The following KDSR variants were observed in gnomAD, a reference collection of about 807,000 sequenced individuals.
KDSR encodes the protein 3-dehydrosphinganine reductase.
In KDSR, 23 loss-of-function variants were observed where a neutral mutation model predicts 41.3. The ratio of observed to expected loss-of-function variants is 0.56; its 90% CI spans 0.40 to 0.79. KDSR has a LOEUF of 0.79. Among genes scored for constraint, KDSR ranks in the 30% least tolerant of loss-of-function variants. The pLI is 0.00. For synonymous variants in KDSR, 138 were observed against 151.7 expected, an observed-to-expected ratio of 0.91 and a Z score of 0.66; for missense variants, 351 against 416.8, an observed-to-expected ratio of 0.84 and a Z score of 1.37.
chr18:63,342,484 A>C (rs894871719), intron 7 of KDSR, among the ~76,000 whole-genome samples: 6 of 152,194 alleles, frequency 3.9e-5, no homozygotes, highest in Non-Finnish European at 8.8e-5. Context: ...TAGAATGTCC[A>C]ATGTGCTCAC....
chr18:63,332,831 CAAA>C (rs1159424416), intron 9 of KDSR, among the ~76,000 whole-genome samples: 9,441 of 74,872 alleles, frequency 0.13, 353 homozygotes, highest in East Asian at 0.34. Flanking sequence ...GACTCCGTCT[CAAA>C]AAAAAAAAAA....
chr18:63,346,541 G>C (rs1489459107), intron 6 of KDSR: 1 of 152,256 alleles, frequency 6.6e-6, no homozygotes, highest in African/African-American at 2.4e-5. Flanking sequence ...TTTCAGAGCA[G>C]TGCTTCTCAA....
chr18:63,361,681 G>A (rs778805928), intron 2 of KDSR, among the ~76,000 whole-genome samples: 11 of 152,022 alleles, frequency 7.2e-5, no homozygotes, highest in Non-Finnish European at 1.2e-4. Flanking sequence ...CAGGCGTGGT[G>A]GTGGGCGCCT....
intron 6 of KDSR, chr18:63,345,613 C>A (rs1914476898): frequency 2.6e-5 from 4 of 152,102 alleles, no homozygotes; most frequent in Admixed American, 2.6e-4. Context: ...GGCTAAAAAT[C>A]AACACCACTG....
chr18:63,366,734 C>A (rs1403585783), intron 1 of KDSR: 4 of 355,154 alleles, frequency 1.1e-5, no homozygotes, highest in Middle Eastern at 7.1e-4. Context: ...AGCCACAGAA[C>A]CCCTGGGGCC....
chr18:63,350,973 GC>G lies in KDSR; in HGVS notation c.523del (p.Ala175GlnfsTer19), dbSNP rs1914645837. 3.1e-6 allele frequency: 5 copies of G among 1,613,916 alleles called. No homozygotes were observed. The highest frequency in any genetic ancestry group is 1.3e-5 in the African/African-American group (1 of 75,046). On this transcript the variant is annotated frameshift_variant, in exon 6 of 10. Transcript: ENST00000645214. LOFTEE classifies it high-confidence loss of function. Reference protein sequence around the residue: ...VGRIVFVSSQAGQLGLFGFTA... With the variant: ...VGRIVFVSSQXGQLGLFGFTA... ...GAAACCGAATAATCCCAACTGTCCT[GC>G]CTGGGAGGACACAAACACGATCCTG...
intron 4 of KDSR, 41 bp from the exon 5 acceptor site, chr18:63,355,340 GA>G: frequency 6.2e-7 from 1 of 1,605,034 alleles, no homozygotes; most frequent in South Asian, 1.1e-5. Context: ...AAACAGAGAA[GA>G]AAAACCACTC....
chr18:63,367,099 G>A lies in KDSR; in HGVS notation c.20C>T (p.Ala7Val). ...CAGCAGCACGAAGGCCACGAGGAAG[G>A]CGGCAGCCAGCAGCAGCATCGCTCC... MLLLAA[A>V]FLVAFVLLLY... The change falls in exon 1 of 10, where the codon GCC (alanine) becomes GTC (valine). Residue 7 changes from alanine (A) to valine (V), a missense_variant. Physicochemically the swap from Ala to Val is moderately conservative, Grantham distance 64 (BLOSUM62 0). Coordinates refer to ENST00000645214, the MANE Select transcript of KDSR (RefSeq NM_002035.4). 7.5e-7 allele frequency: 1 copy of A among 1,332,800 alleles called. No homozygotes were observed. Among genetic ancestry groups the A allele is most frequent in the Non-Finnish European group, 9.6e-7 (1 of 1,037,856 alleles). The allele number at this position is 1,332,800 out of a possible 1,614,324, so 82.6% of individuals were successfully genotyped here.
Position 63,355,627 on chromosome 18 carries a change from T to G in KDSR, c.256-64A>C. 4.8e-6 allele frequency: 7 copies of G among 1,473,078 alleles called. No individual in the cohort carries two copies. In the South Asian group the frequency reaches 1.0e-4, roughly 22 times the overall value. The allele number at this position is 1,473,078 out of a possible 1,614,324, so 91.3% of individuals were successfully genotyped here. On this transcript the variant is annotated intron_variant, in intron 3 of 9. Coordinates refer to ENST00000645214, the MANE Select transcript of KDSR (RefSeq NM_002035.4). ...TACCAAACTATTTCTTAAAGATATT[T>G]TTTAAAGAAAAGACAGTTCATTGAA...
chr18:63,355,451 T>C, intron 4 of KDSR, 47 bp downstream of exon 4: 1 of 1,612,974 alleles, frequency 6.2e-7, no homozygotes, highest in Non-Finnish European at 8.5e-7. Context: ...CAAGAACAAA[T>C]CAAAAGTCAA....
chr18:63,344,309 CATT>C, intron 7 of KDSR, 98 bp downstream of exon 7: 1 of 762,544 alleles, frequency 1.3e-6, no homozygotes, highest in Non-Finnish European at 2.2e-6. Flanking sequence ...ACCCAACAAA[CATT>C]GTTGATTGGT....
chr18:63,352,207 A>G (rs1039815196), intron 5 of KDSR, among the ~76,000 whole-genome samples: 1 of 152,228 alleles, frequency 6.6e-6, no homozygotes, highest in Non-Finnish European at 1.5e-5. Flanking sequence ...AAATACCTCA[A>G]TTGTGGAACT....
At position 63,328,376 on chromosome 18, in the gene KDSR, A is replaced by C. The variant is rs1913871450; in HGVS notation, c.*3406T>G. On this transcript the variant is annotated 3_prime_UTR_variant, in exon 10 of 10. Transcript: ENST00000645214. The stretch of plus-strand genomic sequence containing the variant: ...TTTTCTTTTTTTTTTTTTTTGAGAC[A>C]GAGTCTCGCACTGTCACCTAGGCTG... 1.3e-5 allele frequency: 2 copies of C among 157,266 alleles called. No individual in the cohort carries two copies. The highest frequency in any genetic ancestry group is 1.4e-4 in the East Asian group (1 of 7,124). The allele number at this position is 157,266 out of a possible 1,614,324, so 9.7% of individuals were successfully genotyped here.
intron 6 of KDSR, among the ~76,000 whole-genome samples, chr18:63,347,495 C>CAAAA (rs36023779): frequency 6.0e-3 from 340 of 56,700 alleles, no homozygotes; most frequent in Middle Eastern, 0.014. Flanking sequence ...GACTCCATCT[C>CAAAA]AAAAAAAAAA....
intron 8 of KDSR, 29 bp from the exon 9 acceptor site, chr18:63,335,387 G>C: frequency 6.8e-7 from 1 of 1,470,810 alleles, no homozygotes; most frequent in Non-Finnish European, 9.5e-7. Context: ...AAGAGAAAGA[G>C]GGAATCCTAG....
intron 3 of KDSR, among the ~76,000 whole-genome samples, chr18:63,358,674 G>C (rs1914871250): frequency 6.6e-6 from 1 of 151,624 alleles, no homozygotes; most frequent in Non-Finnish European, 1.5e-5. Context: ...AATTAGCCGG[G>C]TGTGGTGGCA....
In KDSR at chr18:63,328,817, C is replaced by T. The variant is rs560760496; in HGVS notation, c.*2965G>A. 2.2e-5 allele frequency: 4 copies of T among 185,308 alleles called. No individual in the cohort carries two copies. The South Asian group carries it at 7.8e-4, about 36-fold the overall frequency. The allele number at this position is 185,308 out of a possible 1,614,324, so 11.5% of individuals were successfully genotyped here. ...GGCTCAATGTTAATTTTTTAATATACTTGCAAATACATTATAATAAAATAA... is the reference window on the plus strand; with the variant it reads ...GGCTCAATGTTAATTTTTTAATATATTTGCAAATACATTATAATAAAATAA... On this transcript the variant is annotated 3_prime_UTR_variant, in exon 10 of 10. Transcript: ENST00000645214.
chr18:63,337,870 G>C (rs1914225644), intron 8 of KDSR, among the ~76,000 whole-genome samples: 1 of 152,242 alleles, frequency 6.6e-6, no homozygotes. Context: ...AGAGGTTGCA[G>C]TGAGCCAAGA....
Position 63,350,887 on chromosome 18 carries a change from C to T in KDSR, c.609+1G>A. 1 of 1,605,450 alleles carries T rather than the reference C, an allele frequency of 6.2e-7. No individual in the cohort carries two copies. Among genetic ancestry groups the T allele is most frequent in the Non-Finnish European group, 8.5e-7 (1 of 1,174,038 alleles). ...AATACAAAAATGAATACAACTTTTA[C>T]CTCCATCTGCAAAGCTTCTGCCAAT... is the stretch of plus-strand genomic sequence containing the variant. On this transcript the variant is annotated splice_donor_variant, in intron 6 of 9. Transcript: ENST00000645214. LOFTEE classifies it high-confidence loss of function.
Sources: gnomAD v4.1 joint callset for allele counts (sites outside exome capture counted in the v4.1 genomes callset) on GRCh38, gnomAD v4.1.1 for gene constraint, MANE v1.5 for transcripts, NCBI Gene and HGNC (gene_info 2026-07-23, HGNC 2026-07-21) for gene names.